Variants in CLSTN1 observed in about 807,000 individuals in gnomAD.
CLSTN1 encodes the protein calsyntenin 1.
A neutral mutation model predicts 108.3 loss-of-function variants in CLSTN1; 28 were observed. The observed-to-expected ratio is 0.26, with a 90% confidence interval of 0.19 to 0.35. The LOEUF (loss-of-function observed/expected upper bound fraction) is 0.35, where lower values mean the gene tolerates loss of function less well. CLSTN1 is among the 10% of genes least tolerant of loss of function. CLSTN1 has a pLI of 1.00. For missense variants in CLSTN1, 1,157 were observed against 1,302.6 expected, an observed-to-expected ratio of 0.89 and a Z score of 1.72; for synonymous variants, 524 against 534.9, an observed-to-expected ratio of 0.98 and a Z score of 0.28.
chr1:9,790,960 C>T (rs1415705715), intron 1 of CLSTN1, among the ~76,000 whole-genome samples: 2 of 150,998 alleles, frequency 1.3e-5, no homozygotes, highest in East Asian at 4.0e-4. Flanking sequence ...GGTGAAACCC[C>T]GTCTCTACTA....
chr1:9,777,603 T>C (rs1035375779), intron 1 of CLSTN1, among the ~76,000 whole-genome samples: 4 of 152,178 alleles, frequency 2.6e-5, no homozygotes, highest in Non-Finnish European at 5.9e-5. Flanking sequence ...TATAATACAT[T>C]CACATAAACA....
In CLSTN1 at chr1:9,734,111, C is replaced by A. The variant is rs781490386; in HGVS notation, c.2142G>T (p.Val714=). 3.7e-6 allele frequency: 6 copies of A among 1,614,064 alleles called. No individual in the cohort carries two copies. In the South Asian group the frequency reaches 6.6e-5, roughly 18 times the overall value. Residue 714 remains valine (V), a synonymous_variant, in exon 15 of 19, where the codon GTG becomes GTT. Coordinates refer to ENST00000377298, the MANE Select transcript of CLSTN1 (RefSeq NM_001009566.3). The surrounding 1 kb of genome is among the most constrained non-coding windows in gnomAD (Gnocchi z 4.8). ...TGACCTCACAGGTATCCAGGTCGTG[C>A]ACGATCTCCTCGGACACCAGTGATT... ...VQESLVSEEI[V]HDLDTCEVTV...
intron 1 of CLSTN1, among the ~76,000 whole-genome samples, chr1:9,804,786 TA>T (rs1377689470): frequency 1.3e-5 from 2 of 151,776 alleles, no homozygotes; most frequent in African/African-American, 4.8e-5. Context: ...GAGCCGAGTT[TA>T]TGCCACTGCA....
At chr1:9,809,272 C>T (rs74585157) in intron 1 of CLSTN1, among the ~76,000 whole-genome samples, 13 of 152,302 alleles carry the variant, frequency 8.5e-5, no homozygotes, top group South Asian at 2.1e-4. Context: ...CACTCTGAAG[C>T]GCCCGCCCAA....
At chr1:9,780,961 G>C in intron 1 of CLSTN1, 1 of 453,172 alleles carries the variant, frequency 2.2e-6, no homozygotes, top group Non-Finnish European at 3.9e-6. Context: ...ATCACATGAG[G>C]TGTGGAATTT....
rs1348407475 is a variant in CLSTN1, at chr1:9,749,801, C to T, written c.762G>A (p.Lys254=). ...KKRATEDVLV[K]ISIKPTCTPG... ...GGGTGCAGGTGGGCTTAATGCTGATCTTCACCAAAACATCTTCTGTGGCTC... is the reference window on the plus strand; with the variant it reads ...GGGTGCAGGTGGGCTTAATGCTGATTTTCACCAAAACATCTTCTGTGGCTC... The change falls in exon 6 of 19, where the codon AAG becomes AAA. Residue 254 remains lysine (K), a synonymous_variant. Transcript: ENST00000377298. 5.0e-6 allele frequency: 8 copies of T among 1,614,220 alleles called. No individual in the cohort carries two copies. The highest frequency in any genetic ancestry group is 5.9e-6 in the Non-Finnish European group (7 of 1,180,044).
Position 9,741,189 on chromosome 1 carries a change from T to C in CLSTN1, c.1424A>G (p.Asp475Gly). ...AGAGAAGGGCTCGTGGGACGTGCCATCCACATAGAGAGTCACACTCGGGAA... is the reference window on the plus strand; with the variant it reads ...AGAGAAGGGCTCGTGGGACGTGCCACCCACATAGAGAGTCACACTCGGGAA... ...VEFPSVTLYV[D>G]GTSHEPFSVT... Residue 475 changes from aspartate (D) to glycine (G), a missense_variant, in exon 10 of 19, where the codon GAT becomes GGT. By Grantham distance (94) the Asp-to-Gly change is moderately conservative. Coordinates refer to ENST00000377298, the MANE Select transcript of CLSTN1 (RefSeq NM_001009566.3). 3 of 1,613,958 alleles carry C rather than the reference T, an allele frequency of 1.9e-6. No individual in the cohort carries two copies. The highest frequency in any genetic ancestry group is 1.7e-6 in the Non-Finnish European group (2 of 1,179,952).
intron 1 of CLSTN1, among the ~76,000 whole-genome samples, chr1:9,807,232 A>G (rs1212606275): frequency 6.6e-6 from 1 of 152,102 alleles, no homozygotes; most frequent in African/African-American, 2.4e-5. Context: ...TTGACCTAAC[A>G]GCACCTGTCC....
In CLSTN1 at chr1:9,731,764, C is replaced by A. The variant is rs754287069; in HGVS notation, c.2560G>T (p.Ala854Ser). The change falls in exon 17 of 19, where the codon GCA (alanine) becomes TCA (serine). Residue 854 changes from alanine (A) to serine (S), a missense_variant. Physicochemically the swap from Ala to Ser is moderately conservative, Grantham distance 99 (BLOSUM62 1). Transcript: ENST00000377298. ...GGTCTCCCTCCCCATGTCCTACCTG[C>A]GAACGGGTGGGGGTTGGCCAGGTTG... is the stretch of plus-strand genomic sequence containing the variant. ...GHNLANPHPFAVVPSTATVVI... is the reference protein window; with the variant it reads ...GHNLANPHPFSVVPSTATVVI... 1 of 1,614,160 alleles carries A rather than the reference C, an allele frequency of 6.2e-7. No individual in the cohort carries two copies. The highest frequency in any genetic ancestry group is 1.7e-5 in the Admixed American group (1 of 60,030).
At chr1:9,811,486 A>G (rs1482901480) in intron 1 of CLSTN1, among the ~76,000 whole-genome samples, 1 of 152,130 alleles carries the variant, frequency 6.6e-6, no homozygotes, top group Non-Finnish European at 1.5e-5. Context: ...GCAAGCTCTG[A>G]CCTTGCCAAC....
At chr1:9,731,088 G>C (rs1273445951) in intron 18 of CLSTN1, 118 bp downstream of exon 18, 1 of 1,224,778 alleles carries the variant, frequency 8.2e-7, no homozygotes, top group East Asian at 2.3e-5. Context: ...CCCCAGGCTT[G>C]CTGAGCAGAT....
chr1:9,746,391 C>T (rs1447494596), intron 7 of CLSTN1, among the ~76,000 whole-genome samples: 1 of 152,174 alleles, frequency 6.6e-6, no homozygotes, highest in African/African-American at 2.4e-5. Flanking sequence ...CCAGCCTGGC[C>T]TCTTGAGTAA....
chr1:9,770,674 G>C (rs1023157356), intron 2 of CLSTN1, among the ~76,000 whole-genome samples: 3 of 152,196 alleles, frequency 2.0e-5, no homozygotes, highest in African/African-American at 7.2e-5. Flanking sequence ...TAGTGCCTGG[G>C]ACATTGCTAT....
At chr1:9,739,127 T>C (rs188586121) in intron 10 of CLSTN1, among the ~76,000 whole-genome samples, 1 of 152,302 alleles carries the variant, frequency 6.6e-6, no homozygotes, top group East Asian at 1.9e-4. Flanking sequence ...TGAACTTGGA[T>C]GGGAAAAATT....
intron 1 of CLSTN1, among the ~76,000 whole-genome samples, chr1:9,809,650 C>T (rs1256686974): frequency 6.6e-6 from 1 of 152,044 alleles, no homozygotes; most frequent in Non-Finnish European, 1.5e-5. Context: ...CGTCTGTAAT[C>T]TTAGCATTTT....
intron 2 of CLSTN1, among the ~76,000 whole-genome samples, chr1:9,764,106 AAGAGAGAGAGAG>A (rs772208381): frequency 1.7e-5 from 2 of 120,778 alleles, no homozygotes; most frequent in African/African-American, 3.6e-5. Flanking sequence ...GGGAGAAAGA[AAGAGAGAGAGAG>A]AGAGAGAGAG....
Position 9,733,556 on chromosome 1 carries a change from T to C in CLSTN1, c.2282-10A>G, listed in dbSNP as rs1011637708. The C allele has an allele frequency of 6.2e-7, 1 of 1,613,150 alleles. No individual in the cohort carries two copies. Among genetic ancestry groups the C allele is most frequent in the Non-Finnish European group, 8.5e-7 (1 of 1,179,806 alleles). ...GCCATGGTGTCCACGCCTGCAGGGGTTGAAAGGGGGAAGATTGCCGGGTGG... is the reference window on the plus strand; with the variant it reads ...GCCATGGTGTCCACGCCTGCAGGGGCTGAAAGGGGGAAGATTGCCGGGTGG... On this transcript the variant is annotated splice_polypyrimidine_tract_variant and intron_variant, in intron 15 of 18. Transcript: ENST00000377298.
chr1:9,731,645 A>G, intron 17 of CLSTN1, 116 bp downstream of exon 17: 2 of 1,100,638 alleles, frequency 1.8e-6, no homozygotes, highest in Non-Finnish European at 2.7e-6. Flanking sequence ...ATGGGGAATA[A>G]TTGGGACAGG....
rs868530810 is a variant in CLSTN1 at position 9,735,048 on chromosome 1, A to C, written c.2010T>G (p.Phe670Leu). 1 of 1,614,256 alleles carries C rather than the reference A, an allele frequency of 6.2e-7. No homozygotes were observed. Among genetic ancestry groups the C allele is most frequent in the Non-Finnish European group, 8.5e-7 (1 of 1,180,050 alleles). Reference protein sequence around the residue: ...VHHFARAASEFESSEGVFLFP... With the variant: ...VHHFARAASELESSEGVFLFP... Reference sequence around the variant, plus strand: ...AAAGGAACACCCCTTCTGAGCTTTCAAATTCAGAAGCTGCTCGGGCAAAAT... The same window carrying C: ...AAAGGAACACCCCTTCTGAGCTTTCCAATTCAGAAGCTGCTCGGGCAAAAT... Residue 670 changes from phenylalanine (F) to leucine (L), a missense_variant, in exon 14 of 19, where the codon TTT becomes TTG. Physicochemically the swap from Phe to Leu is conservative, Grantham distance 22. Coordinates refer to ENST00000377298, the MANE Select transcript of CLSTN1 (RefSeq NM_001009566.3).
Sources: gnomAD v4.1 joint callset for allele counts (sites outside exome capture counted in the v4.1 genomes callset) on GRCh38, gnomAD v4.1.1 for gene constraint, Gnocchi (gnomAD v3.1) non-coding constraint, MANE v1.5 for transcripts, NCBI Gene and HGNC (gene_info 2026-07-23, HGNC 2026-07-21) for gene names.